Variants in HMBOX1 observed in about 807,000 individuals in gnomAD.
HMBOX1 encodes the protein homeobox-containing protein 1.
A neutral mutation model predicts 54.5 loss-of-function variants in HMBOX1; 14 were observed. The observed-to-expected ratio is 0.26, with a 90% CI of 0.17 to 0.40. The LOEUF (loss-of-function observed/expected upper bound fraction) is 0.40. Ranked by LOEUF, HMBOX1 falls within the 10% of genes least tolerant of loss-of-function variation. The probability of loss-of-function intolerance (pLI) is 1.00; values close to 1 mark genes in which losing one functional copy is unlikely to be tolerated. For missense variants in HMBOX1, 332 were observed against 514.4 expected (o/e 0.65, Z 3.43); for synonymous variants, 160 against 181.0 (o/e 0.88, Z 0.93).
At chr8:28,904,510 C>T (rs1330439970) in intron 1 of HMBOX1, among the ~76,000 whole-genome samples, 1 of 152,126 alleles carries the variant, frequency 6.6e-6, no homozygotes, top group Non-Finnish European at 1.5e-5. Flanking sequence ...GGATTACAGG[C>T]GTGAGCCACT....
Position 28,973,803 on chromosome 8 carries a change from G to GTTTT in HMBOX1, c.500+3312_500+3315dup, listed in dbSNP as rs71222583. 8.1e-4 allele frequency among the ~76,000 whole-genome samples: 59 copies of GTTTT among 72,610 alleles called. 9 individuals carry two copies. The highest frequency in any genetic ancestry group is 8.5e-3 in the Middle Eastern group (1 of 118). 47.6% of individuals were successfully genotyped at this position (72,610 alleles called of 152,430 possible). On this transcript the variant is annotated intron_variant, in intron 3 of 9. Transcript: ENST00000287701. Reference sequence around the variant, plus strand: ...TAATAATTTCGAGATACATAATGGAGTTTTTTTTTTTTTTTTTTTTTTTTT... The same window carrying GTTTT: ...TAATAATTTCGAGATACATAATGGAGTTTTTTTTTTTTTTTTTTTTTTTTTTTTT...
At chr8:28,912,114 A>G (rs1399480734) in intron 1 of HMBOX1, among the ~76,000 whole-genome samples, 1 of 152,170 alleles carries the variant, frequency 6.6e-6, no homozygotes, top group African/African-American at 2.4e-5. Flanking sequence ...AAACTGTTCT[A>G]AGCACATTTT....
chr8:29,030,808 CTG>C (rs1563616042), intron 6 of HMBOX1, among the ~76,000 whole-genome samples: 2 of 152,170 alleles, frequency 1.3e-5, no homozygotes, highest in African/African-American at 4.8e-5. Flanking sequence ...TTCTTCAGGA[CTG>C]TGTTTTAATG....
At chr8:29,032,598 T>C (rs1438698348) in intron 6 of HMBOX1, among the ~76,000 whole-genome samples, 1 of 152,242 alleles carries the variant, frequency 6.6e-6, no homozygotes, top group Non-Finnish European at 1.5e-5. Flanking sequence ...GCAATATCTT[T>C]GCCAGAATGA....
At chr8:29,042,063 G>A (rs1192238122) in intron 6 of HMBOX1, among the ~76,000 whole-genome samples, 1 of 152,154 alleles carries the variant, frequency 6.6e-6, no homozygotes, top group African/African-American at 2.4e-5. Flanking sequence ...GGCCTTGATT[G>A]TAAGACACAC....
Position 28,973,803 on chromosome 8 carries a change from G to GTTTTTTTTTTTTTTTTTTTTTT in HMBOX1, c.500+3294_500+3315dup, listed in dbSNP as rs71222583. Among the ~76,000 whole-genome samples the GTTTTTTTTTTTTTTTTTTTTTT allele has an allele frequency of 4.7e-4, 34 of 72,646 alleles. 4 individuals carry two copies. The highest frequency in any genetic ancestry group is 7.4e-4 in the Non-Finnish European group (29 of 38,942). 47.7% of individuals were successfully genotyped at this position (72,646 alleles called of 152,430 possible). A position where few individuals can be genotyped will look rare whatever the true frequency, so the allele number is the denominator to read the frequency against. ...TAATAATTTCGAGATACATAATGGA[G>GTTTTTTTTTTTTTTTTTTTTTT]TTTTTTTTTTTTTTTTTTTTTTTTT... On this transcript the variant is annotated intron_variant, in intron 3 of 9. Transcript: ENST00000287701.
chr8:28,892,909 T>C (rs375760401), intron 1 of HMBOX1, among the ~76,000 whole-genome samples: 20 of 152,318 alleles, frequency 1.3e-4, no homozygotes, highest in African/African-American at 3.6e-4. Context: ...ACGTAACTAC[T>C]TAACGGAGTG....
intron 5 of HMBOX1, among the ~76,000 whole-genome samples, chr8:29,011,559 T>G (rs999984427): frequency 2.6e-5 from 4 of 152,178 alleles, no homozygotes; most frequent in Non-Finnish European, 4.4e-5. Flanking sequence ...GGGGCTGGGC[T>G]CTAGTCCAGC....
At chr8:29,009,012 C>G in intron 4 of HMBOX1, 60 bp from the exon 5 acceptor site, 1 of 1,336,938 alleles carries the variant, frequency 7.5e-7, no homozygotes. Context: ...ACCAAAAGAT[C>G]CTTTATTAAT....
chr8:28,905,947 A>G (rs1268621013), intron 1 of HMBOX1, among the ~76,000 whole-genome samples: 1 of 152,148 alleles, frequency 6.6e-6, no homozygotes, highest in Admixed American at 6.5e-5. Context: ...CATTTTTTTC[A>G]GCTTTGATTA....
intron 1 of HMBOX1, among the ~76,000 whole-genome samples, chr8:28,902,059 TGTAAG>T (rs895682912): frequency 1.3e-4 from 20 of 152,338 alleles, no homozygotes; most frequent in African/African-American, 4.3e-4. Flanking sequence ...TGTATTTACT[TGTAAG>T]GTATGTGACA....
At chr8:28,941,271 A>G (rs1821364810) in intron 1 of HMBOX1, among the ~76,000 whole-genome samples, 1 of 152,224 alleles carries the variant, frequency 6.6e-6, no homozygotes, top group Admixed American at 6.5e-5. Flanking sequence ...GGAAAACATC[A>G]GTTAGATAAA....
intron 1 of HMBOX1, among the ~76,000 whole-genome samples, chr8:28,942,218 C>G (rs1416310571): frequency 6.6e-6 from 1 of 152,160 alleles, no homozygotes; most frequent in African/African-American, 2.4e-5. Context: ...CGTAGTTCAG[C>G]GCAGTCTCCT....
Position 28,970,407 on chromosome 8 carries a change from G to A in HMBOX1, c.388G>A (p.Gly130Arg), listed in dbSNP as rs1251305367. Residue 130 changes from glycine (G) to arginine (R), a missense_variant, in exon 3 of 10, where the codon GGA becomes AGA. Physicochemically the swap from Gly to Arg is moderately radical, Grantham distance 125. This residue lies in a region of HMBOX1 where 146 missense variants were observed against 173.3 expected (regional missense o/e 0.84). Transcript: ENST00000287701. The surrounding 1 kb of genome is among the most constrained non-coding windows in gnomAD (Gnocchi z 4.3). The stretch of plus-strand genomic sequence containing the variant: ...TAATGAGCGATTATCTACATCCAAT[G>A]GAAAGATGTCACCAACTCGCTACCA... ...ENNERLSTSN[G>R]KMSPTRYHAN... 6.2e-7 allele frequency: 1 copy of A among 1,614,010 alleles called. No homozygotes were observed. Among genetic ancestry groups the A allele is most frequent in the East Asian group, 2.2e-5 (1 of 44,896 alleles).
At chr8:29,007,064 G>A (rs947989930) in intron 4 of HMBOX1, among the ~76,000 whole-genome samples, 6 of 152,010 alleles carry the variant, frequency 3.9e-5, no homozygotes, top group African/African-American at 7.2e-5. Context: ...TGAGGCGGGC[G>A]GATCACCTGA....
rs529484732 is a variant in HMBOX1, at chr8:28,958,963, G to A, written c.-57-4848G>A. Among the ~76,000 whole-genome samples the A allele has an allele frequency of 2.0e-5, 3 of 152,078 alleles. No homozygotes were observed. The South Asian group carries it at 6.2e-4, about 32-fold the overall frequency. On this transcript the variant is annotated intron_variant, in intron 1 of 9. Transcript: ENST00000287701. ...TTGCATTTCTGCGTAAATTATAGTG[G>A]TATACAATGGACCCCCCTTATCCAC... is the stretch of plus-strand genomic sequence containing the variant.
chr8:29,051,041 C>A lies in HMBOX1; in HGVS notation c.1149C>A (p.Asp383Glu). Residue 383 changes from aspartate to glutamate, a missense_variant, in exon 10 of 10, where the codon GAC becomes GAA. Asp to Glu is a conservative substitution (Grantham distance 45). Around this residue, in one of 4 missense-constraint regions of HMBOX1, gnomAD observed 69 missense variants for 104.6 expected, o/e 0.66. Coordinates refer to ENST00000287701, the MANE Select transcript of HMBOX1 (RefSeq NM_001135726.3). The part of the protein sequence containing the change: ...SEQDDSTSHS[D>E]HQDPISLAVE... ...AGGATGACAGTACGAGCCATAGTGACCACCAAGACCCCATCTCATTAGCTG... is the reference window on the plus strand; with the variant it reads ...AGGATGACAGTACGAGCCATAGTGAACACCAAGACCCCATCTCATTAGCTG... 1 of 1,613,478 alleles carries A rather than the reference C, an allele frequency of 6.2e-7. No individual in the cohort carries two copies. Among genetic ancestry groups the A allele is most frequent in the Non-Finnish European group, 8.5e-7 (1 of 1,179,876 alleles).
intron 2 of HMBOX1, among the ~76,000 whole-genome samples, chr8:28,966,476 ATTAAT>A (rs1409809007): frequency 6.6e-6 from 1 of 152,188 alleles, no homozygotes; most frequent in African/African-American, 2.4e-5. Flanking sequence ...GCATAAGAAA[ATTAAT>A]TCAATTCTTA....
At chr8:28,908,566 C>G (rs28378101) in intron 1 of HMBOX1, among the ~76,000 whole-genome samples, 2,832 of 152,228 alleles carry the variant, frequency 0.019, 82 homozygotes, top group African/African-American at 0.065. Flanking sequence ...ACCAGCCTGA[C>G]CAACATGGCC....
Sources: allele counts gnomAD v4.1 joint callset (sites outside exome capture counted in the v4.1 genomes callset), GRCh38; gene constraint gnomAD v4.1.1; regional missense constraint gnomAD v4.1.1; non-coding constraint Gnocchi (gnomAD v3.1); transcripts MANE v1.5; gene names NCBI Gene and HGNC (gene_info 2026-07-23, HGNC 2026-07-21).